XPR1: variants seen among roughly 807,000 people sequenced by gnomAD.
XPR1 encodes the protein xenotropic and polytropic retrovirus receptor 1.
XPR1 carries 28 observed loss-of-function variants against 87.5 expected under a neutral mutation model. The ratio of observed to expected loss-of-function variants is 0.32; its 90% confidence interval spans 0.24 to 0.44. The LOEUF (loss-of-function observed/expected upper bound fraction) is 0.44, where lower values mean the gene tolerates loss of function less well. XPR1 is among the 20% of genes least tolerant of loss of function. The pLI, the probability that XPR1 is intolerant of heterozygous loss-of-function variation, is 1.00. For missense variants in XPR1, 559 were observed against 862.3 expected (o/e 0.65, Z 4.41); for synonymous variants, 300 against 306.1 (o/e 0.98, Z 0.21).
At chr1:180,846,395 G>A (rs1651685335) in intron 11 of XPR1, among the ~76,000 whole-genome samples, 1 of 151,980 alleles carries the variant, frequency 6.6e-6, no homozygotes, top group Non-Finnish European at 1.5e-5. Context: ...CGAAAGACCA[G>A]TGGGCTAATG....
chr1:180,841,809 T>C (rs888006487), intron 11 of XPR1, among the ~76,000 whole-genome samples: 5 of 152,144 alleles, frequency 3.3e-5, no homozygotes, highest in African/African-American at 7.2e-5. Flanking sequence ...AAAAAACTCA[T>C]AGTTGCTACA....
intron 2 of XPR1, among the ~76,000 whole-genome samples, chr1:180,786,506 C>G (rs1048063074): frequency 1.1e-4 from 16 of 152,110 alleles, no homozygotes; most frequent in African/African-American, 3.9e-4. Flanking sequence ...TTATTAGCGT[C>G]TAGAGAGTCT....
rs537929987 is a variant in XPR1 at position 180,885,034 on chromosome 1, A to G, written c.*968A>G. On this transcript the variant is annotated 3_prime_UTR_variant, in exon 15 of 15. Transcript: ENST00000367590. ...GAACAGATGTGGAATACACTGGCCC[A>G]TATTTCAACCTTAACAGCTGAAGCT... The G allele has an allele frequency of 6.6e-6, 1 of 152,632 alleles. No individual in the cohort carries two copies. The highest frequency in any genetic ancestry group is 1.9e-4 in the East Asian group (1 of 5,182). The allele number at this position is 152,632 out of a possible 1,614,324, so 9.5% of individuals were successfully genotyped here.
intron 2 of XPR1, among the ~76,000 whole-genome samples, chr1:180,763,947 C>CT (rs1258743562): frequency 6.6e-6 from 1 of 152,160 alleles, no homozygotes; most frequent in Admixed American, 6.5e-5. Context: ...TTGCTGTTGT[C>CT]TAACAGCTGA....
chr1:180,835,207 A>T (rs1300917187), intron 10 of XPR1, among the ~76,000 whole-genome samples, 162 bp downstream of exon 10: 1 of 152,250 alleles, frequency 6.6e-6, no homozygotes, highest in African/African-American at 2.4e-5. Context: ...TCCTTATCTG[A>T]TATAATTTGG....
Position 180,716,318 on chromosome 1 carries a change from G to A in XPR1, c.121+33907G>A, listed in dbSNP as rs1314004743. Among the ~76,000 whole-genome samples the A allele has an allele frequency of 4.0e-5, 6 of 151,468 alleles. No homozygotes were observed. The East Asian group carries it at 9.8e-4, about 25-fold the overall frequency. On this transcript the variant is annotated intron_variant, in intron 2 of 14. Transcript: ENST00000367590. ...TGCCCAGACTGGTCTTGAACTCCTC[G>A]CCTCAGGTGATCCTCCTGCCTCAGC...
chr1:180,642,856 G>T (rs944863185), intron 1 of XPR1, among the ~76,000 whole-genome samples: 2 of 152,102 alleles, frequency 1.3e-5, no homozygotes, highest in Admixed American at 6.5e-5. Context: ...GTTTGAAATG[G>T]GTACTAGAGA....
rs567972598 is a variant in XPR1 at position 180,676,308 on chromosome 1, C to T, written c.70-6052C>T. ...TGGTGATGTATTTGGTTCCTGACAG[C>T]ATTATTTAATTTTGCTACACATTCC... On this transcript the variant is annotated intron_variant, in intron 1 of 14. Transcript: ENST00000367590. 2.5e-4 allele frequency among the ~76,000 whole-genome samples: 38 copies of T among 152,292 alleles called. 1 individual carries two copies. The South Asian group carries it at 2.7e-3, about 11-fold the overall frequency.
rs1649083957 is a variant in XPR1, at chr1:180,785,011, T to TGTGTGTGTGTG, written c.122-2742_122-2741insGTGTGTGTGTG. ...GTTAGTTTTTTTCGTGTGTGTGTGTTTGTGTGTGTGTGTGTGTGTGTGTGT... is the reference window on the plus strand; with the variant it reads ...GTTAGTTTTTTTCGTGTGTGTGTGTTGTGTGTGTGTGTGTGTGTGTGTGTGTGTGTGTGTGT... On this transcript the variant is annotated intron_variant, in intron 2 of 14. Transcript: ENST00000367590. 1.3e-4 allele frequency among the ~76,000 whole-genome samples: 18 copies of TGTGTGTGTGTG among 136,392 alleles called. 1 individual carries two copies. In the South Asian group the frequency reaches 2.2e-3, roughly 17 times the overall value. The allele number at this position is 136,392 out of a possible 152,430, so 89.5% of individuals were successfully genotyped here.
intron 2 of XPR1, among the ~76,000 whole-genome samples, chr1:180,688,453 A>T (rs953601420): frequency 1.3e-5 from 2 of 152,070 alleles, no homozygotes; most frequent in East Asian, 3.9e-4. Flanking sequence ...CTGCAGAAAG[A>T]CTTGTAAATA....
chr1:180,767,125 G>C (rs1328544229), intron 2 of XPR1, among the ~76,000 whole-genome samples: 1 of 152,164 alleles, frequency 6.6e-6, no homozygotes, highest in Non-Finnish European at 1.5e-5. Flanking sequence ...GATTTAAAAG[G>C]GGGAGGGGAA....
In XPR1 at chr1:180,887,567, A is replaced by C. The variant is rs910988864; in HGVS notation, c.*3501A>C. The C allele has an allele frequency of 6.6e-6, 1 of 152,236 alleles. No individual in the cohort carries two copies. Among genetic ancestry groups the C allele is most frequent in the African/African-American group, 2.4e-5 (1 of 41,468 alleles). 9.4% of individuals were successfully genotyped at this position (152,236 alleles called of 1,614,324 possible). ...TTAGGTTATGATGGTCATTTGTAAG[A>C]TTGGAAAGTAGTCAAAAACCCATGT... On this transcript the variant is annotated 3_prime_UTR_variant, in exon 15 of 15. Coordinates refer to ENST00000367590, the MANE Select transcript of XPR1 (RefSeq NM_004736.4).
chr1:180,836,447 T>C, intron 10 of XPR1, 75 bp from the exon 11 acceptor site: 2 of 1,546,108 alleles, frequency 1.3e-6, no homozygotes, highest in South Asian at 2.3e-5. Flanking sequence ...TGGTATTAGC[T>C]ACACTATATG....
At chr1:180,781,452 C>T (rs988404338) in intron 2 of XPR1, among the ~76,000 whole-genome samples, 2 of 151,718 alleles carry the variant, frequency 1.3e-5, no homozygotes, top group South Asian at 4.2e-4. Flanking sequence ...GAAGATTGGC[C>T]TTTTATGTAT....
Position 180,669,475 on chromosome 1 carries a change from C to T in XPR1, c.70-12885C>T, listed in dbSNP as rs567454138. Among the ~76,000 whole-genome samples the T allele has an allele frequency of 3.2e-4, 49 of 152,114 alleles. 1 individual carries two copies. The East Asian group carries it at 5.0e-3, about 16-fold the overall frequency. On this transcript the variant is annotated intron_variant, in intron 1 of 14. Transcript: ENST00000367590. Reference sequence around the variant, plus strand: ...TTGGCTCACTGCAACCTCCGCCTTCCGGGTTCAAGCAATTCTCCTACCTCA... The same window carrying T: ...TTGGCTCACTGCAACCTCCGCCTTCTGGGTTCAAGCAATTCTCCTACCTCA...
chr1:180,798,857 A>G (rs1436311971), intron 3 of XPR1, among the ~76,000 whole-genome samples: 2 of 152,060 alleles, frequency 1.3e-5, no homozygotes, highest in Non-Finnish European at 2.9e-5. Context: ...CAAGTGATCC[A>G]CCTGCCTCAG....
chr1:180,727,377 T>C (rs1029823697), intron 2 of XPR1, among the ~76,000 whole-genome samples: 25 of 152,006 alleles, frequency 1.6e-4, no homozygotes, highest in African/African-American at 5.8e-4. Context: ...AATAAAGGAA[T>C]GTCACGCTTG....
chr1:180,693,307 A>T (rs1008832601), intron 2 of XPR1, among the ~76,000 whole-genome samples: 31 of 152,388 alleles, frequency 2.0e-4, no homozygotes, highest in African/African-American at 7.0e-4. Context: ...AGAAACAACG[A>T]GAAAGCTAGA....
chr1:180,776,209 A>G (rs1320039903), intron 2 of XPR1, among the ~76,000 whole-genome samples: 3 of 146,090 alleles, frequency 2.1e-5, no homozygotes, highest in Non-Finnish European at 4.6e-5. Flanking sequence ...AATAATCACC[A>G]TGTGGCTTTT....
Sources: allele counts gnomAD v4.1 joint callset (sites outside exome capture counted in the v4.1 genomes callset), GRCh38; gene constraint gnomAD v4.1.1; transcripts MANE v1.5; gene names NCBI Gene and HGNC (gene_info 2026-07-23, HGNC 2026-07-21).